NRG3: variants seen among roughly 807,000 people sequenced by gnomAD.
NRG3 encodes neuregulin 3, also known as pro-neuregulin-3, membrane-bound isoform.
NRG3 carries 31 observed loss-of-function variants against 66.9 expected under a neutral mutation model. That is an observed-to-expected ratio of 0.46 (90% CI 0.35 to 0.63). The LOEUF is 0.63. Among genes scored for constraint, NRG3 ranks in the 20% least tolerant of loss-of-function variants. NRG3 has a pLI of 0.00. For synonymous variants in NRG3, 393 were observed against 359.4 expected, an observed-to-expected ratio of 1.09 and a Z score of -1.06; for missense variants, 910 against 878.9, an observed-to-expected ratio of 1.04 and a Z score of -0.45.
At chr10:82,160,473 A>C (rs1590353947) in intron 1 of NRG3, among the ~76,000 whole-genome samples, 1 of 151,852 alleles carries the variant, frequency 6.6e-6, no homozygotes, top group African/African-American at 2.4e-5. Flanking sequence ...AATCATAATA[A>C]TGGATTTTGT....
chr10:82,406,611 A>G (rs2087540183), intron 2 of NRG3, among the ~76,000 whole-genome samples: 1 of 152,180 alleles, frequency 6.6e-6, no homozygotes, highest in Admixed American at 6.5e-5. Flanking sequence ...TGGGTAATGC[A>G]GATATCGATT....
Position 82,455,022 on chromosome 10 carries a change from C to T in NRG3, c.953+96154C>T, listed in dbSNP as rs111496172. Among the ~76,000 whole-genome samples, 483 of 152,236 alleles carry T rather than the reference C, an allele frequency of 3.2e-3. 1 individual carries two copies. The highest frequency in any genetic ancestry group is 0.011 in the African/African-American group (460 of 41,536). On this transcript the variant is annotated intron_variant, in intron 2 of 8. Coordinates refer to ENST00000372141, the MANE Select transcript of NRG3 (RefSeq NM_001010848.4). ...ATTTAGTAATTTGCCCAAGGTCATT[C>T]AGCTAATGAGTGGAGGGACTGGAAT... is the stretch of plus-strand genomic sequence containing the variant.
chr10:82,885,781 C>T (rs963358907), intron 4 of NRG3, among the ~76,000 whole-genome samples: 3 of 152,120 alleles, frequency 2.0e-5, no homozygotes, highest in African/African-American at 2.4e-5. Flanking sequence ...AGTCTGGTTG[C>T]GAACTCCTGA....
At chr10:82,380,617 A>G (rs1180478094) in intron 2 of NRG3, among the ~76,000 whole-genome samples, 1 of 152,188 alleles carries the variant, frequency 6.6e-6, no homozygotes, top group African/African-American at 2.4e-5. Context: ...TAGAGATGGG[A>G]AAGTATAGAA....
At chr10:82,293,288 A>G (rs1209543575) in intron 1 of NRG3, among the ~76,000 whole-genome samples, 1 of 152,140 alleles carries the variant, frequency 6.6e-6, no homozygotes, top group Non-Finnish European at 1.5e-5. Context: ...ACCTCAGTAC[A>G]TACAATATTT....
intron 3 of NRG3, among the ~76,000 whole-genome samples, chr10:82,802,535 A>T (rs1032833650): frequency 6.6e-6 from 1 of 152,202 alleles, no homozygotes; most frequent in Admixed American, 6.5e-5. Flanking sequence ...TTACTCAGAT[A>T]TATTGATTTC....
At chr10:82,599,491 A>C (rs2047484375) in intron 2 of NRG3, among the ~76,000 whole-genome samples, 1 of 152,170 alleles carries the variant, frequency 6.6e-6, no homozygotes, top group Admixed American at 6.5e-5. Context: ...GTAGACATAA[A>C]TTTGTAAATA....
At chr10:82,865,461 T>C (rs1359516358) in intron 4 of NRG3, 24 bp downstream of exon 4, 1 of 1,610,076 alleles carries the variant, frequency 6.2e-7, no homozygotes, top group South Asian at 1.1e-5. Context: ...ATTTGCTCAT[T>C]TAATATCCTG....
intron 2 of NRG3, among the ~76,000 whole-genome samples, chr10:82,428,187 A>G (rs1001712813): frequency 6.6e-6 from 1 of 151,502 alleles, no homozygotes; most frequent in African/African-American, 2.4e-5. Flanking sequence ...TTAGTTCTCT[A>G]CTATTTTTTC....
intron 2 of NRG3, among the ~76,000 whole-genome samples, chr10:82,686,861 A>T (rs1285572522): frequency 1.3e-5 from 2 of 152,194 alleles, no homozygotes; most frequent in Non-Finnish European, 2.9e-5. Flanking sequence ...TTTTGGGTCT[A>T]TGAAAAAATG....
At chr10:82,638,604 T>G (rs1397260985) in intron 2 of NRG3, among the ~76,000 whole-genome samples, 1 of 152,088 alleles carries the variant, frequency 6.6e-6, no homozygotes, top group East Asian at 1.9e-4. Context: ...AAACCTGAGA[T>G]CTAAGCATCC....
At chr10:82,116,026 T>C (rs2067690735) in intron 1 of NRG3, among the ~76,000 whole-genome samples, 1 of 152,178 alleles carries the variant, frequency 6.6e-6, no homozygotes, top group Non-Finnish European at 1.5e-5. Context: ...AGCAGGCACC[T>C]TTAACCAGGC....
intron 1 of NRG3, among the ~76,000 whole-genome samples, chr10:82,203,781 T>C (rs949172095): frequency 6.6e-6 from 1 of 152,144 alleles, no homozygotes; most frequent in Non-Finnish European, 1.5e-5. Flanking sequence ...GAACAAGGAA[T>C]CAACAATGAA....
intron 3 of NRG3, among the ~76,000 whole-genome samples, chr10:82,821,231 G>T (rs1218862080): frequency 6.6e-6 from 1 of 152,104 alleles, no homozygotes; most frequent in African/African-American, 2.4e-5. Context: ...GCCCCACAGA[G>T]TCACCTCCCC....
In NRG3 at chr10:82,965,045, G is replaced by A. The variant is rs1019041413; in HGVS notation, c.1284+5970G>A. On this transcript the variant is annotated intron_variant, in intron 6 of 8. Transcript: ENST00000372141. ...TTGCATTAGCCGGCACTTTCAGGGGGGCCAGTTGGATGAATGCTTCTCCTA... is the reference window on the plus strand; with the variant it reads ...TTGCATTAGCCGGCACTTTCAGGGGAGCCAGTTGGATGAATGCTTCTCCTA... 5.3e-5 allele frequency among the ~76,000 whole-genome samples: 8 copies of A among 152,276 alleles called. No individual in the cohort carries two copies. The East Asian group carries it at 1.3e-3, about 26-fold the overall frequency.
intron 2 of NRG3, among the ~76,000 whole-genome samples, chr10:82,580,776 A>T (rs941178134): frequency 1.3e-5 from 2 of 151,856 alleles, no homozygotes; most frequent in Non-Finnish European, 2.9e-5. Flanking sequence ...TGGATGTACC[A>T]TAGATTGTTT....
At chr10:82,643,130 T>C (rs1457084718) in intron 2 of NRG3, among the ~76,000 whole-genome samples, 3 of 152,120 alleles carry the variant, frequency 2.0e-5, no homozygotes, top group Non-Finnish European at 2.9e-5. Context: ...TTTGAAGACA[T>C]GTGATATGGT....
chr10:82,018,564 T>C (rs1421070682), intron 1 of NRG3, among the ~76,000 whole-genome samples: 2 of 152,216 alleles, frequency 1.3e-5, no homozygotes, highest in African/African-American at 2.4e-5. Context: ...TTCCTATCCA[T>C]GAGCATGGAA....
intron 1 of NRG3, among the ~76,000 whole-genome samples, chr10:82,060,786 TG>T (rs1241693950): frequency 6.6e-6 from 1 of 152,166 alleles, no homozygotes; most frequent in Admixed American, 6.5e-5. Context: ...CAGTAGAAGG[TG>T]GGAAGACCTG....
Sources: gnomAD v4.1 joint callset for allele counts (sites outside exome capture counted in the v4.1 genomes callset) on GRCh38, gnomAD v4.1.1 for gene constraint, MANE v1.5 for transcripts, NCBI Gene and HGNC (gene_info 2026-07-23, HGNC 2026-07-21) for gene names.